CSPP1: variants seen among roughly 807,000 people sequenced by gnomAD.
CSPP1 encodes the protein centrosome and spindle pole associated protein 1, also known as centrosome and spindle pole-associated protein 1.
CSPP1 carries 126 observed loss-of-function variants against 164.4 expected under a neutral mutation model. The ratio of observed to expected loss-of-function variants is 0.77; its 90% CI spans 0.66 to 0.89. The LOEUF (loss-of-function observed/expected upper bound fraction) is 0.89, where lower values mean the gene tolerates loss of function less well. Among genes scored for constraint, CSPP1 ranks in the 40% least tolerant of loss-of-function variants. CSPP1 has a pLI of 0.00. For missense variants in CSPP1, 1,395 were observed against 1,449.8 expected, an observed-to-expected ratio of 0.96 and a Z score of 0.61; for synonymous variants, 472 against 476.7, an observed-to-expected ratio of 0.99 and a Z score of 0.13.
intron 15 of CSPP1, among the ~76,000 whole-genome samples, chr8:67,122,029 T>C (rs1190600046): frequency 1.3e-5 from 2 of 151,880 alleles, no homozygotes; most frequent in East Asian, 1.9e-4. Flanking sequence ...TTTCTGATTA[T>C]ATTTTATTAT....
intron 18 of CSPP1, 115 bp from the exon 19 acceptor site, chr8:67,153,909 C>T: frequency 1.7e-6 from 1 of 574,868 alleles, no homozygotes; most frequent in South Asian, 2.2e-5. Flanking sequence ...TGATTTTAAT[C>T]TTTGGACTTT....
At chr8:67,194,989 AG>A (rs1416876322) in intron 30 of CSPP1, among the ~76,000 whole-genome samples, 1 of 151,660 alleles carries the variant, frequency 6.6e-6, no homozygotes, top group Non-Finnish European at 1.5e-5. Flanking sequence ...AAAAATAAAA[AG>A]AAAAAAGAAA....
chr8:67,096,544 G>A (rs746592392), intron 7 of CSPP1, among the ~76,000 whole-genome samples: 3 of 151,362 alleles, frequency 2.0e-5, no homozygotes, highest in Non-Finnish European at 2.9e-5. Flanking sequence ...CAGCCTGGGC[G>A]GTAAGGTGAG....
chr8:67,170,327 C>T (rs996080899), intron 24 of CSPP1, among the ~76,000 whole-genome samples: 3 of 150,816 alleles, frequency 2.0e-5, no homozygotes, highest in African/African-American at 4.9e-5. Flanking sequence ...TGTGGTGGTG[C>T]GTGCCTGTAG....
intron 3 of CSPP1, among the ~76,000 whole-genome samples, chr8:67,085,319 A>G (rs1237515856): frequency 6.6e-6 from 1 of 152,008 alleles, no homozygotes; most frequent in Non-Finnish European, 1.5e-5. Context: ...GTTTAACTTT[A>G]GAAGTTTTTA....
Position 67,196,218 on chromosome 8 carries a change from G to GTAAC in CSPP1, c.*628_*631dup, listed in dbSNP as rs1219154863. ...TTTGTCTTGTTACTAATTACATGAT[G>GTAAC]TAACTACTTCTTGATATAAATAAAT... On this transcript the variant is annotated 3_prime_UTR_variant, in exon 31 of 31. Coordinates refer to ENST00000678616, the MANE Select transcript of CSPP1 (RefSeq NM_001382391.1). The GTAAC allele has an allele frequency of 2.6e-5, 4 of 152,186 alleles. No individual in the cohort carries two copies. Among genetic ancestry groups the GTAAC allele is most frequent in the Admixed American group, 6.5e-5 (1 of 15,280 alleles). 9.4% of individuals were successfully genotyped at this position (152,186 alleles called of 1,614,324 possible).
intron 17 of CSPP1, among the ~76,000 whole-genome samples, chr8:67,141,487 T>G (rs1409545882): frequency 6.6e-6 from 1 of 152,050 alleles, no homozygotes; most frequent in Non-Finnish European, 1.5e-5. Context: ...ACTTAAAGAG[T>G]ATCAGTTTAT....
intron 6 of CSPP1, among the ~76,000 whole-genome samples, chr8:67,094,514 C>CCT (rs1021115220): frequency 2.0e-5 from 3 of 151,758 alleles, no homozygotes; most frequent in African/African-American, 7.3e-5. Flanking sequence ...CCTTGTGATC[C>CCT]GCCTGCCTCG....
chr8:67,098,822 A>G (rs1216424550), intron 7 of CSPP1, among the ~76,000 whole-genome samples: 1 of 152,022 alleles, frequency 6.6e-6, no homozygotes, highest in African/African-American at 2.4e-5. Context: ...CTTAATACCC[A>G]AAGAAACCAG....
intron 18 of CSPP1, 77 bp downstream of exon 18, chr8:67,150,012 T>G: frequency 7.4e-7 from 1 of 1,351,282 alleles, no homozygotes; most frequent in Non-Finnish European, 9.7e-7. Context: ...GTTCTGTGAC[T>G]AAGTTCTTAT....
chr8:67,132,807 T>C (rs1362871050), intron 16 of CSPP1, among the ~76,000 whole-genome samples: 1 of 152,188 alleles, frequency 6.6e-6, no homozygotes, highest in Non-Finnish European at 1.5e-5. Context: ...GGTTCTTTCG[T>C]AGTTTGTAAT....
chr8:67,114,203 A>G (rs1817467132), intron 11 of CSPP1, 126 bp from the exon 12 acceptor site: 5 of 169,814 alleles, frequency 2.9e-5, no homozygotes, highest in Admixed American at 2.5e-4. Context: ...CTTTTCTTAC[A>G]TTGGAGTGAT....
intron 26 of CSPP1, 48 bp downstream of exon 26, chr8:67,175,484 TC>T: frequency 6.2e-7 from 1 of 1,605,876 alleles, no homozygotes; most frequent in Non-Finnish European, 8.5e-7. Context: ...ACGCTGTTTT[TC>T]CGTAGGCTTT....
At chr8:67,191,911 A>G (rs1426893455) in intron 29 of CSPP1, among the ~76,000 whole-genome samples, 1 of 152,028 alleles carries the variant, frequency 6.6e-6, no homozygotes, top group Non-Finnish European at 1.5e-5. Context: ...GCCATCACTT[A>G]GTGTCTTTTG....
At chr8:67,133,318 T>A (rs570827384) in intron 16 of CSPP1, among the ~76,000 whole-genome samples, 1 of 152,340 alleles carries the variant, frequency 6.6e-6, no homozygotes, top group African/African-American at 2.4e-5. Context: ...AAGAATGCAT[T>A]TGTTTTTTGT....
chr8:67,069,898 G>A (rs1806361100), intron 1 of CSPP1, among the ~76,000 whole-genome samples: 2 of 151,934 alleles, frequency 1.3e-5, no homozygotes, highest in South Asian at 4.1e-4. Flanking sequence ...GACCTCAGGT[G>A]ATCCACCTGC....
In CSPP1 at chr8:67,187,077, A is replaced by C. The variant is rs28820669; in HGVS notation, c.3221-3573A>C. On this transcript the variant is annotated intron_variant, in intron 28 of 30. Coordinates refer to ENST00000678616, the MANE Select transcript of CSPP1 (RefSeq NM_001382391.1). ...AACTGATGAAATTGAAGGACTACTA[A>C]ATAAATGGAGATATATTTCATGACC... 2.2e-3 allele frequency among the ~76,000 whole-genome samples: 333 copies of C among 152,258 alleles called. 1 individual carries two copies. The highest frequency in any genetic ancestry group is 4.2e-3 in the Non-Finnish European group (284 of 68,018).
intron 3 of CSPP1, among the ~76,000 whole-genome samples, chr8:67,079,279 T>C (rs1353258931): frequency 3.9e-5 from 6 of 152,180 alleles, no homozygotes; most frequent in Non-Finnish European, 8.8e-5. Context: ...TCTGTACTTG[T>C]ATGGTCATGT....
At chr8:67,184,614 A>G (rs541953548) in intron 28 of CSPP1, among the ~76,000 whole-genome samples, 1 of 151,908 alleles carries the variant, frequency 6.6e-6, no homozygotes, top group African/African-American at 2.4e-5. Context: ...AGTCCCAGCT[A>G]TCTGGGAGGC....
Sources: gnomAD v4.1 joint callset for allele counts (sites outside exome capture counted in the v4.1 genomes callset) on GRCh38, gnomAD v4.1.1 for gene constraint, MANE v1.5 for transcripts, NCBI Gene and HGNC (gene_info 2026-07-23, HGNC 2026-07-21) for gene names.